KIF6: variants seen among roughly 807,000 people sequenced by gnomAD.
KIF6 encodes the protein kinesin-like protein KIF6.
Under a neutral mutation model 112.7 loss-of-function variants are expected in KIF6, and 106 were observed. That is an observed-to-expected ratio of 0.94 (90% CI 0.80 to 1.11). The LOEUF is 1.11. Ranked by LOEUF, KIF6 falls within the 50% of genes least tolerant of loss-of-function variation. KIF6 has a pLI of 0.00. For synonymous variants in KIF6, 339 were observed against 339.9 expected (o/e 1.00, Z 0.03); for missense variants, 929 against 964.0 (o/e 0.96, Z 0.48).
At chr6:39,633,872 T>G (rs1436471078) in intron 5 of KIF6, among the ~76,000 whole-genome samples, 1 of 152,202 alleles carries the variant, frequency 6.6e-6, no homozygotes, top group African/African-American at 2.4e-5. Context: ...TACACAAAAG[T>G]GGTCTAAAAC....
chr6:39,494,715 A>G (rs772428009), intron 13 of KIF6, among the ~76,000 whole-genome samples: 4 of 152,224 alleles, frequency 2.6e-5, no homozygotes, highest in Admixed American at 6.5e-5. Context: ...AGGAAAAAAA[A>G]TCAAGATAAA....
At position 39,362,504 on chromosome 6, in the gene KIF6, T is replaced by C. The variant is rs138268487; in HGVS notation, c.1876A>G (p.Met626Val). ...TGGTCTGGCATCAGAGGCACGGCCA[T>C]GTTTTCCGAGATTCCTGTAGAAGGA... ...QQVALGISENMAVPLMPDQQE... is the reference protein window; with the variant it reads ...QQVALGISENVAVPLMPDQQE... The change falls in exon 17 of 23, where the codon ATG (methionine) becomes GTG (valine). Residue 626 changes from methionine (M) to valine (V), a missense_variant. Physicochemically the swap from Met to Val is conservative, Grantham distance 21. This residue lies in a region of KIF6 where 241 missense variants were observed against 301.4 expected (regional missense o/e 0.80). Coordinates refer to ENST00000287152, the MANE Select transcript of KIF6 (RefSeq NM_145027.6). 5.0e-6 allele frequency: 8 copies of C among 1,613,668 alleles called. No homozygotes were observed. In the African/African-American group the frequency reaches 9.3e-5, roughly 19 times the overall value.
chr6:39,596,110 C>T lies in KIF6; in HGVS notation c.790G>A (p.Gly264Ser), dbSNP rs1782240829. Residue 264 changes from glycine to serine, a missense_variant, in exon 7 of 23, where the codon GGC (glycine) becomes AGC (serine). Gly to Ser is a moderately conservative substitution (Grantham distance 56). Coordinates refer to ENST00000287152, the MANE Select transcript of KIF6 (RefSeq NM_145027.6). The stretch of plus-strand genomic sequence containing the variant: ...TACTTGGCCTCTGTTAGAAGATGGC[C>T]CCCTACTCCAGTCTTTGCAACTCGC... ...SERVAKTGVG[G>S]HLLTEAKYIN... is the part of the protein sequence containing the mutation. 2 of 1,613,892 alleles carry T rather than the reference C, an allele frequency of 1.2e-6. No individual in the cohort carries two copies. Among genetic ancestry groups the T allele is most frequent in the Non-Finnish European group, 8.5e-7 (1 of 1,179,950 alleles).
chr6:39,555,109 C>T (rs1779621076), intron 10 of KIF6, among the ~76,000 whole-genome samples: 1 of 152,108 alleles, frequency 6.6e-6, no homozygotes, highest in South Asian at 2.1e-4. Context: ...CACTCCTGCA[C>T]CAGCACCTGG....
intron 13 of KIF6, among the ~76,000 whole-genome samples, chr6:39,530,611 A>C (rs1407036030): frequency 6.6e-6 from 1 of 152,148 alleles, no homozygotes; most frequent in African/African-American, 2.4e-5. Context: ...AGGGCTCTCT[A>C]GGGAACCATG....
At chr6:39,611,382 A>C (rs1783206991) in intron 6 of KIF6, among the ~76,000 whole-genome samples, 1 of 152,238 alleles carries the variant, frequency 6.6e-6, no homozygotes, top group South Asian at 2.1e-4. Flanking sequence ...GGTAAGTTTC[A>C]CAAAGGAATT....
intron 1 of KIF6, among the ~76,000 whole-genome samples, chr6:39,724,013 G>A (rs1415599876): frequency 1.3e-5 from 2 of 152,292 alleles, no homozygotes; most frequent in South Asian, 4.1e-4. Flanking sequence ...GTAAAATGCG[G>A]AAAATGACAC....
intron 15 of KIF6, among the ~76,000 whole-genome samples, chr6:39,391,549 G>A (rs950350562): frequency 6.6e-6 from 1 of 152,186 alleles, no homozygotes; most frequent in Non-Finnish European, 1.5e-5. Context: ...ACTCCAAATT[G>A]TCTTTACTGG....
intron 6 of KIF6, among the ~76,000 whole-genome samples, chr6:39,602,874 A>T: frequency 6.6e-6 from 1 of 152,130 alleles, no homozygotes; most frequent in Middle Eastern, 3.2e-3. Flanking sequence ...CCTACTCAAA[A>T]TTCATTTATC....
At chr6:39,560,946 T>C (rs1197209596) in intron 10 of KIF6, among the ~76,000 whole-genome samples, 2 of 152,218 alleles carry the variant, frequency 1.3e-5, no homozygotes, top group Non-Finnish European at 2.9e-5. Flanking sequence ...GGAGTAGAAA[T>C]AGCTAAAGCA....
At chr6:39,694,433 A>T (rs1019416022) in intron 3 of KIF6, among the ~76,000 whole-genome samples, 1 of 152,230 alleles carries the variant, frequency 6.6e-6, no homozygotes. Context: ...GATTCTGCCG[A>T]AAGTCTCCTA....
chr6:39,616,367 T>G (rs1783520338), intron 5 of KIF6, among the ~76,000 whole-genome samples: 1 of 152,334 alleles, frequency 6.6e-6, no homozygotes, highest in Non-Finnish European at 1.5e-5. Flanking sequence ...CTATCTTTTG[T>G]AACACATCCC....
chr6:39,617,486 A>C (rs1783580895), intron 5 of KIF6, among the ~76,000 whole-genome samples: 1 of 152,102 alleles, frequency 6.6e-6, no homozygotes, highest in African/African-American at 2.4e-5. Flanking sequence ...TGTTATATAT[A>C]AGTGTTGCCA....
chr6:39,430,999 T>C (rs965876161), intron 14 of KIF6, 54 bp downstream of exon 14: 10 of 1,030,322 alleles, frequency 9.7e-6, no homozygotes, highest in Non-Finnish European at 1.5e-5. Flanking sequence ...AAATCTCTTC[T>C]AGGCTGGCCT....
chr6:39,512,132 G>A (rs1206682022), intron 13 of KIF6, among the ~76,000 whole-genome samples: 1 of 152,196 alleles, frequency 6.6e-6, no homozygotes, highest in Non-Finnish European at 1.5e-5. Flanking sequence ...ATGGACTACA[G>A]GGAATGGTTC....
chr6:39,611,598 A>G (rs1374765120), intron 6 of KIF6, among the ~76,000 whole-genome samples: 1 of 152,202 alleles, frequency 6.6e-6, no homozygotes, highest in Non-Finnish European at 1.5e-5. Context: ...CCTCCGAAAG[A>G]AAGTCAGTTA....
chr6:39,358,080 G>A (rs1764852014), intron 18 of KIF6, among the ~76,000 whole-genome samples: 1 of 152,234 alleles, frequency 6.6e-6, no homozygotes, highest in Non-Finnish European at 1.5e-5. Flanking sequence ...AGCACTTTGT[G>A]TAGGGGAACA....
intron 13 of KIF6, among the ~76,000 whole-genome samples, chr6:39,515,181 T>C (rs928561669): frequency 6.6e-6 from 1 of 152,230 alleles, no homozygotes; most frequent in Admixed American, 6.5e-5. Context: ...CTTGTAAGCC[T>C]CATTCTGTTT....
intron 9 of KIF6, among the ~76,000 whole-genome samples, chr6:39,581,644 T>C (rs1781302262): frequency 6.6e-6 from 1 of 152,120 alleles, no homozygotes; most frequent in Non-Finnish European, 1.5e-5. Context: ...GACATCTCCA[T>C]ATGGTAGTGG....
Sources: gnomAD v4.1 joint callset for allele counts (sites outside exome capture counted in the v4.1 genomes callset) on GRCh38, gnomAD v4.1.1 for gene constraint, gnomAD v4.1.1 regional missense constraint, MANE v1.5 for transcripts, NCBI Gene and HGNC (gene_info 2026-07-23, HGNC 2026-07-21) for gene names.